The following GRK2 variants were observed in gnomAD, a reference collection of about 807,000 sequenced individuals.
The protein encoded by GRK2 is adrenergic beta receptor kinase 1.
In GRK2, 23 loss-of-function variants were observed where a neutral mutation model predicts 97.8. The ratio of observed to expected loss-of-function variants is 0.24; its 90% CI spans 0.17 to 0.33. The LOEUF (loss-of-function observed/expected upper bound fraction) is 0.33. Ranked by LOEUF, GRK2 falls within the 10% of genes least tolerant of loss-of-function variation. The pLI is 1.00. For missense variants in GRK2, 633 were observed against 956.9 expected (o/e 0.66, Z 4.47); for synonymous variants, 425 against 381.7 (o/e 1.11, Z -1.32).
chr11:67,279,932 G>A, intron 6 of GRK2, 32 bp downstream of exon 6: 2 of 1,605,874 alleles, frequency 1.2e-6, no homozygotes, highest in Non-Finnish European at 1.7e-6. Context: ...AGAGGAAGGG[G>A]GAGGGAGGGG....
intron 4 of GRK2, 24 bp from the exon 5 acceptor site, chr11:67,279,602 C>T: frequency 1.2e-6 from 2 of 1,613,042 alleles, no homozygotes; most frequent in Non-Finnish European, 1.7e-6. Flanking sequence ...GCTGAGAATT[C>T]ATGGCCACCT....
chr11:67,282,386 C>CAAAA lies in GRK2; in HGVS notation c.1052+21_1052+22insAAAA. On this transcript the variant is annotated intron_variant, in intron 12 of 20. Coordinates refer to ENST00000308595, the MANE Select transcript of GRK2 (RefSeq NM_001619.5). This position sits in a 1 kb window ranked among gnomAD's most constrained non-coding sequence, Gnocchi z 6.9. ...AGCGTGTGAGTGCCCCCCACCCTCTCCCTCCCCACCCCTTGCCACTCCCGC... is the reference window on the plus strand; with the variant it reads ...AGCGTGTGAGTGCCCCCCACCCTCTCAAAACCTCCCCACCCCTTGCCACTCCCGC... The CAAAA allele has an allele frequency of 6.7e-7, 1 of 1,498,724 alleles. No individual in the cohort carries two copies. The highest frequency in any genetic ancestry group is 9.2e-7 in the Non-Finnish European group (1 of 1,089,538). The allele number at this position is 1,498,724 out of a possible 1,614,324, so 92.8% of individuals were successfully genotyped here. A position where few individuals can be genotyped will look rare whatever the true frequency, so the allele number is the denominator to read the frequency against.
chr11:67,266,641 A>C lies in GRK2; in HGVS notation c.-59A>C. ...CGCGGCCGGGCCGGGCCGAGCGCCG[A>C]GCGAGCAGGAGCGGCGGCGGCGGCG... On this transcript the variant is annotated 5_prime_UTR_variant, in exon 1 of 21. Coordinates refer to ENST00000308595, the MANE Select transcript of GRK2 (RefSeq NM_001619.5). 1.3e-6 allele frequency: 1 copy of C among 779,502 alleles called. No individual in the cohort carries two copies. The highest frequency in any genetic ancestry group is 1.6e-6 in the Non-Finnish European group (1 of 636,170). The allele number at this position is 779,502 out of a possible 1,614,324, so 48.3% of individuals were successfully genotyped here.
Position 67,269,067 on chromosome 11 carries a change from C to T in GRK2, c.113+2255C>T, listed in dbSNP as rs1002391375. Among the ~76,000 whole-genome samples the T allele has an allele frequency of 5.9e-5, 9 of 152,342 alleles. No individual in the cohort carries two copies. The highest frequency in any genetic ancestry group is 5.9e-4 in the Admixed American group (9 of 15,302). On this transcript the variant is annotated intron_variant, in intron 1 of 20. Coordinates refer to ENST00000308595, the MANE Select transcript of GRK2 (RefSeq NM_001619.5). This position sits in a 1 kb window ranked among gnomAD's most constrained non-coding sequence, Gnocchi z 4.1. The stretch of plus-strand genomic sequence containing the variant: ...GCGCCGAATGTCAGTGCGCTAAGGC[C>T]TGGGAAGGGCTACTGGCCACCCCTA...
intron 4 of GRK2, 23 bp from the exon 5 acceptor site, chr11:67,279,603 A>T (rs543098803): frequency 8.1e-6 from 13 of 1,613,138 alleles, no homozygotes; most frequent in Non-Finnish European, 1.1e-5. Flanking sequence ...CTGAGAATTC[A>T]TGGCCACCTC....
chr11:67,274,482 G>A (rs930592658), intron 1 of GRK2, among the ~76,000 whole-genome samples: 4 of 47,796 alleles, frequency 8.4e-5, no homozygotes, highest in South Asian at 1.1e-3. Flanking sequence ...GCTACCTTCC[G>A]CTTGACCAGC....
Position 67,284,261 on chromosome 11 carries a change from G to A in GRK2, c.1542G>A (p.Ser514=). The part of the protein sequence containing the change: ...ELYRNFPLTI[S]ERWQQEVAET... ...ACCGCAACTTCCCCCTCACCATCTCGGAGCGGTGGCAGCAGGAGGTGGCAG... is the reference window on the plus strand; with the variant it reads ...ACCGCAACTTCCCCCTCACCATCTCAGAGCGGTGGCAGCAGGAGGTGGCAG... Residue 514 remains serine (S), a synonymous_variant, in exon 18 of 21, where the codon TCG becomes TCA. Coordinates refer to ENST00000308595, the MANE Select transcript of GRK2 (RefSeq NM_001619.5). 1.9e-6 allele frequency: 3 copies of A among 1,613,586 alleles called. No homozygotes were observed. The highest frequency in any genetic ancestry group is 2.5e-6 in the Non-Finnish European group (3 of 1,179,988).
At chr11:67,280,710 A>G (rs2136501147) in intron 6 of GRK2, 22 bp from the exon 7 acceptor site, 1 of 1,613,904 alleles carries the variant, frequency 6.2e-7, no homozygotes, top group Non-Finnish European at 8.5e-7. Flanking sequence ...GTGGCCCCTG[A>G]GCCCTGATTC....
In GRK2 at chr11:67,281,046, C is replaced by A; in HGVS notation, c.556-47C>A. On this transcript the variant is annotated intron_variant, in intron 7 of 20. Transcript: ENST00000308595. This position sits in a 1 kb window ranked among gnomAD's most constrained non-coding sequence, Gnocchi z 5.7. ...CTGCCCAGGTGCCTCTGCCCCAGGGCTGGGCAGAGGCAGCCTGTGGTGACC... is the reference window on the plus strand; with the variant it reads ...CTGCCCAGGTGCCTCTGCCCCAGGGATGGGCAGAGGCAGCCTGTGGTGACC... 1 of 1,527,406 alleles carries A rather than the reference C, an allele frequency of 6.5e-7. No individual in the cohort carries two copies. The highest frequency in any genetic ancestry group is 9.0e-7 in the Non-Finnish European group (1 of 1,114,012). 94.6% of individuals were successfully genotyped at this position (1,527,406 alleles called of 1,614,324 possible). A position where few individuals can be genotyped will look rare whatever the true frequency, so the allele number is the denominator to read the frequency against.
In GRK2 at chr11:67,285,324, C is replaced by T. The variant is rs369098618; in HGVS notation, c.1944C>T (p.Arg648=). 50 of 1,609,740 alleles carry T rather than the reference C, an allele frequency of 3.1e-5. No individual in the cohort carries two copies. The highest frequency in any genetic ancestry group is 3.6e-5 in the Non-Finnish European group (43 of 1,178,978). Reference sequence around the variant, plus strand: ...TGGTGCAGTGGAAGAAGGAGCTGCGCGACGCCTACCGCGAGGCCCAGCAGC... The same window carrying T: ...TGGTGCAGTGGAAGAAGGAGCTGCGTGACGCCTACCGCGAGGCCCAGCAGC... ...PELVQWKKEL[R]DAYREAQQLV... The change falls in exon 21 of 21, where the codon CGC becomes CGT. Residue 648 remains arginine (R), a synonymous_variant. Coordinates refer to ENST00000308595, the MANE Select transcript of GRK2 (RefSeq NM_001619.5).
chr11:67,281,235 G>A lies in GRK2; in HGVS notation c.647+51G>A, dbSNP rs745634029. On this transcript the variant is annotated intron_variant, in intron 8 of 20. Coordinates refer to ENST00000308595, the MANE Select transcript of GRK2 (RefSeq NM_001619.5). The surrounding 1 kb of genome is among the most constrained non-coding windows in gnomAD (Gnocchi z 5.7). ...GATACCTCGGGGAGCCGGGCTCCTG[G>A]GGGACCCTGACAGGCCGGGTTCCAC... 3 of 1,537,622 alleles carry A rather than the reference G, an allele frequency of 2.0e-6. No individual in the cohort carries two copies. In the East Asian group the frequency reaches 6.8e-5, roughly 35 times the overall value.
chr11:67,275,167 C>G (rs952188673), intron 1 of GRK2, among the ~76,000 whole-genome samples: 1 of 152,208 alleles, frequency 6.6e-6, no homozygotes, highest in African/African-American at 2.4e-5. Flanking sequence ...CTATCTCGCT[C>G]GGCCTTTCCT....
chr11:67,283,695 C>T lies in GRK2; in HGVS notation c.1329-12C>T. 6.2e-7 allele frequency: 1 copy of T among 1,612,834 alleles called. No homozygotes were observed. Among genetic ancestry groups the T allele is most frequent in the Non-Finnish European group, 8.5e-7 (1 of 1,179,874 alleles). ...GTGGGGCTGAGCCCAGATGACTGGCCTCTCCCCACAGGGCTCAGGAGGTGA... is the reference window on the plus strand; with the variant it reads ...GTGGGGCTGAGCCCAGATGACTGGCTTCTCCCCACAGGGCTCAGGAGGTGA... On this transcript the variant is annotated splice_polypyrimidine_tract_variant and intron_variant, in intron 15 of 20. Coordinates refer to ENST00000308595, the MANE Select transcript of GRK2 (RefSeq NM_001619.5).
chr11:67,285,234 CAGGCA>C (rs749794776), intron 20 of GRK2, 46 bp downstream of exon 20: 638 of 1,611,190 alleles, frequency 4.0e-4, no homozygotes, highest in Non-Finnish European at 4.0e-4. Context: ...GGGGCCAGGC[CAGGCA>C]GGCTGGGGAG....
Position 67,280,985 on chromosome 11 carries a change from A to G in GRK2, c.556-108A>G, listed in dbSNP as rs1399724205. 4 of 1,143,782 alleles carry G rather than the reference A, an allele frequency of 3.5e-6. No homozygotes were observed. The African/African-American group carries it at 4.6e-5, about 13-fold the overall frequency. 70.9% of individuals were successfully genotyped at this position (1,143,782 alleles called of 1,614,324 possible). ...AATATGTGGCAAGGATGGCCAGGAC[A>G]TGGGTATGGGGACCCTGGCATGGGG... On this transcript the variant is annotated intron_variant, in intron 7 of 20. Transcript: ENST00000308595.
At chr11:67,280,111 A>G in intron 6 of GRK2, 1 of 589,810 alleles carries the variant, frequency 1.7e-6, no homozygotes, top group Non-Finnish European at 3.0e-6. Context: ...AGGCAGCTCA[A>G]AGCCCATCCC....
intron 1 of GRK2, among the ~76,000 whole-genome samples, chr11:67,267,029 A>C (rs1421289351): frequency 6.6e-6 from 1 of 151,338 alleles, no homozygotes; most frequent in African/African-American, 2.4e-5. Context: ...GAGCGCCCCA[A>C]CTCCGGAGCT....
intron 18 of GRK2, 60 bp from the exon 19 acceptor site, chr11:67,284,787 C>T (rs1860233743): frequency 6.3e-7 from 1 of 1,575,770 alleles, no homozygotes; most frequent in African/African-American, 1.4e-5. Flanking sequence ...GAGACCCTGT[C>T]TCAAAACAAA....
intron 6 of GRK2, 122 bp downstream of exon 6, chr11:67,280,022 C>A: frequency 1.0e-6 from 1 of 966,990 alleles, no homozygotes; most frequent in South Asian, 1.4e-5. Context: ...GTGGCTGGCC[C>A]GTCAGCGGCC....
Sources: gnomAD v4.1 joint callset for allele counts (sites outside exome capture counted in the v4.1 genomes callset) on GRCh38, gnomAD v4.1.1 for gene constraint, Gnocchi (gnomAD v3.1) non-coding constraint, MANE v1.5 for transcripts, NCBI Gene and HGNC (gene_info 2026-07-23, HGNC 2026-07-21) for gene names.